XPA: variants seen among roughly 807,000 people sequenced by gnomAD.
XPA encodes XPA, DNA damage recognition and repair factor, also known as DNA repair protein complementing XP-A cells.
Under a neutral mutation model 35.7 loss-of-function variants are expected in XPA, and 27 were observed. The ratio of observed to expected loss-of-function variants is 0.76; its 90% CI spans 0.56 to 1.04. The LOEUF (loss-of-function observed/expected upper bound fraction) is 1.04, where lower values mean the gene tolerates loss of function less well. XPA is among the 50% of genes least tolerant of loss of function. The pLI, the probability that XPA is intolerant of heterozygous loss-of-function variation, is 0.00. For missense variants in XPA, 354 were observed against 342.7 expected, an observed-to-expected ratio of 1.03 and a Z score of -0.26; for synonymous variants, 133 against 118.4, an observed-to-expected ratio of 1.12 and a Z score of -0.80.
At chr9:97,664,168 C>T in the XPA span, among the ~76,000 whole-genome samples, 1 of 152,004 alleles carries the variant, frequency 6.6e-6, no homozygotes, top group Non-Finnish European at 1.5e-5. Flanking sequence ...GACAGAGCAA[C>T]TCTGTCTCCC....
chr9:97,675,395 A>G lies in XPA; in HGVS notation c.*44T>C. On this transcript the variant is annotated 3_prime_UTR_variant, in exon 6 of 6. Transcript: ENST00000375128. ...AAAAGGACCAATCTAAATTTCCTTTATTTAAATATAAAATTCTATAAAACA... is the reference window on the plus strand; with the variant it reads ...AAAAGGACCAATCTAAATTTCCTTTGTTTAAATATAAAATTCTATAAAACA... The G allele has an allele frequency of 6.4e-7, 1 of 1,558,978 alleles. No homozygotes were observed. Among genetic ancestry groups the G allele is most frequent in the Non-Finnish European group, 8.7e-7 (1 of 1,155,878 alleles).
At chr9:97,682,052 C>A in intron 5 of XPA, 1 of 237,506 alleles carries the variant, frequency 4.2e-6, no homozygotes, top group South Asian at 3.7e-5. Context: ...TCTTGTCTTT[C>A]ACCTTATTTT....
chr9:97,663,796 A>G, the XPA span, among the ~76,000 whole-genome samples: 2 of 151,632 alleles, frequency 1.3e-5, no homozygotes, highest in African/African-American at 2.4e-5. Flanking sequence ...AGTTTTTTCA[A>G]ATTTTAACTG....
At chr9:97,655,819 A>C in the XPA span, 1 of 1,493,834 alleles carries the variant, frequency 6.7e-7, no homozygotes, top group Non-Finnish European at 9.2e-7. Context: ...CTAATGTTTA[A>C]AACTGTAACA....
At chr9:97,663,470 C>G in the XPA span, among the ~76,000 whole-genome samples, 17,952 of 151,798 alleles carry the variant, frequency 0.12, 3,013 homozygotes, top group African/African-American at 0.37. Flanking sequence ...TTTTTGAATA[C>G]GTATTAGTAC....
rs1337222858 is a variant in XPA, at chr9:97,690,643, C to A, written c.284-1004G>T. On this transcript the variant is annotated intron_variant, in intron 2 of 5. Transcript: ENST00000375128. ...CCTCGTGATCCACCCACCTCAGCCT[C>A]CCAAAGTGCTGGGATTACAGGCATG... Among the ~76,000 whole-genome samples the A allele has an allele frequency of 6.6e-5, 10 of 152,192 alleles. No homozygotes were observed. In the East Asian group the frequency reaches 1.9e-3, roughly 30 times the overall value.
the XPA span, chr9:97,662,172 A>C: frequency 6.4e-7 from 1 of 1,557,478 alleles, no homozygotes; most frequent in Non-Finnish European, 8.8e-7. Context: ...GCCTTGCTTG[A>C]GAGTTTGGAA....
intron 5 of XPA, among the ~76,000 whole-genome samples, chr9:97,679,475 C>A (rs1828471638): frequency 6.6e-6 from 1 of 151,938 alleles, no homozygotes; most frequent in African/African-American, 2.4e-5. Context: ...AATTTCAACA[C>A]CAAAATGAAT....
Position 97,695,454 on chromosome 9 carries a change from G to T in XPA, c.172+1667C>A, listed in dbSNP as rs1409002814. ...TCCATGAGTACCAACTGGATGGATA[G>T]AAATGAATGAACCTACCAGAATATG... On this transcript the variant is annotated intron_variant, in intron 1 of 5. Transcript: ENST00000375128. 3.3e-5 allele frequency among the ~76,000 whole-genome samples: 5 copies of T among 152,194 alleles called. No individual in the cohort carries two copies. In the East Asian group the frequency reaches 9.6e-4, roughly 29 times the overall value.
intron 5 of XPA, among the ~76,000 whole-genome samples, chr9:97,677,986 C>A (rs1016914133): frequency 2.0e-5 from 3 of 152,050 alleles, no homozygotes; most frequent in African/African-American, 4.8e-5. Context: ...CTAAAATGAA[C>A]CATGAAATTT....
chr9:97,677,822 G>A (rs1587738152), intron 5 of XPA, among the ~76,000 whole-genome samples: 1 of 152,060 alleles, frequency 6.6e-6, no homozygotes, highest in South Asian at 2.1e-4. Context: ...TCCATAGGAG[G>A]GTGAGAGAGC....
the XPA span, chr9:97,669,118 T>C: frequency 4.0e-6 from 4 of 1,008,078 alleles, no homozygotes; most frequent in Non-Finnish European, 5.5e-6. Context: ...AGGAAGGAAA[T>C]AAAAGTTCAC....
intron 5 of XPA, among the ~76,000 whole-genome samples, chr9:97,684,647 C>T (rs988305224): frequency 6.6e-6 from 1 of 152,090 alleles, no homozygotes; most frequent in African/African-American, 2.4e-5. Context: ...AATCCTTGAC[C>T]AGTGATACCA....
the XPA span, among the ~76,000 whole-genome samples, chr9:97,668,556 A>G: frequency 6.6e-6 from 1 of 152,204 alleles, no homozygotes; most frequent in Non-Finnish European, 1.5e-5. Flanking sequence ...CAAATGGTCA[A>G]ATAGTGATAA....
the XPA span, among the ~76,000 whole-genome samples, chr9:97,659,524 T>C: frequency 2.5e-4 from 38 of 152,326 alleles, no homozygotes; most frequent in African/African-American, 9.1e-4. Flanking sequence ...CTCTGAAGAA[T>C]AGATATGATT....
At chr9:97,665,870 A>G in the XPA span, among the ~76,000 whole-genome samples, 818 of 152,128 alleles carry the variant, frequency 5.4e-3, 7 homozygotes, top group Non-Finnish European at 8.9e-3. Flanking sequence ...CAATTAACAC[A>G]TATTTGTGTT....
At chr9:97,687,527 T>C (rs1408237345) in intron 3 of XPA, among the ~76,000 whole-genome samples, 1 of 152,046 alleles carries the variant, frequency 6.6e-6, no homozygotes, top group Non-Finnish European at 1.5e-5. Context: ...CAGGGGTGTA[T>C]TTTGCAAAGA....
At chr9:97,692,080 A>G (rs1587750781) in intron 2 of XPA, among the ~76,000 whole-genome samples, 1 of 151,878 alleles carries the variant, frequency 6.6e-6, no homozygotes. Flanking sequence ...ATCACCTGAG[A>G]TTGGGTGCTC....
chr9:97,675,337 C>A lies in XPA; in HGVS notation c.*102G>T. ...TTACTTATACAAGGGTTTCATTCAT[C>A]TATGAAGATGTTGCTTTTTTTTTTG... On this transcript the variant is annotated 3_prime_UTR_variant, in exon 6 of 6. Coordinates refer to ENST00000375128, the MANE Select transcript of XPA (RefSeq NM_000380.4). The A allele has an allele frequency of 8.1e-7, 1 of 1,238,522 alleles. No individual in the cohort carries two copies. Among genetic ancestry groups the A allele is most frequent in the African/African-American group, 1.5e-5 (1 of 65,032 alleles). The allele number at this position is 1,238,522 out of a possible 1,614,324, so 76.7% of individuals were successfully genotyped here. A position where few individuals can be genotyped will look rare whatever the true frequency, so the allele number is the denominator to read the frequency against.
Sources: gnomAD v4.1 joint callset for allele counts (sites outside exome capture counted in the v4.1 genomes callset) on GRCh38, gnomAD v4.1.1 for gene constraint, MANE v1.5 for transcripts, NCBI Gene and HGNC (gene_info 2026-07-23, HGNC 2026-07-21) for gene names.